CTTNBP2NL: variants seen among roughly 807,000 people sequenced by gnomAD.
CTTNBP2NL encodes CTTNBP2 N-terminal-like protein.
A neutral mutation model predicts 32.5 loss-of-function variants in CTTNBP2NL; 16 were observed. That is an observed-to-expected ratio of 0.49 (90% confidence interval 0.33 to 0.75). The LOEUF is 0.75. Among genes scored for constraint, CTTNBP2NL ranks in the 30% least tolerant of loss-of-function variants. The pLI, the probability that CTTNBP2NL is intolerant of heterozygous loss-of-function variation, is 0.02. For missense variants in CTTNBP2NL, 645 were observed against 756.0 expected, an observed-to-expected ratio of 0.85 and a Z score of 1.72; for synonymous variants, 298 against 289.4, an observed-to-expected ratio of 1.03 and a Z score of -0.30.
intron 3 of CTTNBP2NL, among the ~76,000 whole-genome samples, chr1:112,446,209 A>AC (rs1306421469): frequency 6.6e-6 from 1 of 151,344 alleles, no homozygotes; most frequent in Non-Finnish European, 1.5e-5. Flanking sequence ...AAAAAAAAAA[A>AC]AAACAACATA....
intron 4 of CTTNBP2NL, among the ~76,000 whole-genome samples, chr1:112,453,749 G>C (rs1202666928): frequency 6.6e-6 from 1 of 152,078 alleles, no homozygotes; most frequent in African/African-American, 2.4e-5. Context: ...GCAAGACCCT[G>C]TCTCGAAAAA....
At chr1:112,427,043 G>A (rs796827011) in intron 3 of CTTNBP2NL, among the ~76,000 whole-genome samples, 4 of 152,064 alleles carry the variant, frequency 2.6e-5, no homozygotes, top group African/African-American at 9.6e-5. Flanking sequence ...TATTTTATTG[G>A]CTTCTTATGA....
chr1:112,416,276 G>GAAA lies in CTTNBP2NL; in HGVS notation c.99+21_99+23dup. On this transcript the variant is annotated intron_variant, in intron 3 of 5. Transcript: ENST00000271277. ...TAGAAGCCTTAAAGGTATGTTAAAAGAAAAAAAAAAAGAGGTCATCATACA... is the reference window on the plus strand; with the variant it reads ...TAGAAGCCTTAAAGGTATGTTAAAAGAAAAAAAAAAAAAAGAGGTCATCATACA... The GAAA allele has an allele frequency of 7.9e-6, 8 of 1,009,522 alleles. No homozygotes were observed. Among genetic ancestry groups the GAAA allele is most frequent in the East Asian group, 3.2e-5 (1 of 31,014 alleles). 62.5% of individuals were successfully genotyped at this position (1,009,522 alleles called of 1,614,324 possible).
chr1:112,429,009 C>T (rs544664146), intron 3 of CTTNBP2NL, among the ~76,000 whole-genome samples: 1 of 152,144 alleles, frequency 6.6e-6, no homozygotes, highest in East Asian at 1.9e-4. Context: ...TTTTGCTAAG[C>T]TATGGAATCA....
chr1:112,433,135 G>A (rs1327448979), intron 3 of CTTNBP2NL, among the ~76,000 whole-genome samples: 2 of 152,008 alleles, frequency 1.3e-5, no homozygotes, highest in East Asian at 3.9e-4. Flanking sequence ...ATCACATACT[G>A]TTCAAAATCT....
At chr1:112,421,466 A>C (rs1649230631) in intron 3 of CTTNBP2NL, among the ~76,000 whole-genome samples, 1 of 151,068 alleles carries the variant, frequency 6.6e-6, no homozygotes, top group African/African-American at 2.4e-5. Context: ...ACGCCCGGCT[A>C]GTTTTTTTGT....
intron 1 of CTTNBP2NL, among the ~76,000 whole-genome samples, chr1:112,405,464 A>G (rs1648633480): frequency 6.6e-6 from 1 of 151,986 alleles, no homozygotes; most frequent in Non-Finnish European, 1.5e-5. Flanking sequence ...TGCCCGGCTA[A>G]TTTTTGTATT....
chr1:112,414,295 C>T (rs1237869753), intron 2 of CTTNBP2NL, among the ~76,000 whole-genome samples: 2 of 152,054 alleles, frequency 1.3e-5, no homozygotes, highest in Admixed American at 6.6e-5. Context: ...ACCTGGGAGA[C>T]GGTGGTTGCA....
Position 112,458,341 on chromosome 1 carries a change from C to A in CTTNBP2NL, c.*929C>A, listed in dbSNP as rs1023798010. 5 of 152,522 alleles carry A rather than the reference C, an allele frequency of 3.3e-5. No homozygotes were observed. In the East Asian group the frequency reaches 9.6e-4, roughly 29 times the overall value. 9.4% of individuals were successfully genotyped at this position (152,522 alleles called of 1,614,324 possible). ...ATATTATAGGTCAGTCAGAATTATA[C>A]AAGTTTTACCAAATTGTTACACTTA... On this transcript the variant is annotated 3_prime_UTR_variant, in exon 6 of 6. Transcript: ENST00000271277.
At chr1:112,448,149 C>T (rs1650110402) in intron 3 of CTTNBP2NL, among the ~76,000 whole-genome samples, 2 of 152,188 alleles carry the variant, frequency 1.3e-5, no homozygotes, top group African/African-American at 4.8e-5. Flanking sequence ...TTCTTACATG[C>T]TCATCCCCAA....
intron 1 of CTTNBP2NL, among the ~76,000 whole-genome samples, chr1:112,408,220 A>ATTTTTTTTTTTTTTTTTTTTTTTTATTT (rs397981257): frequency 9.6e-6 from 1 of 103,760 alleles, no homozygotes; most frequent in African/African-American, 4.3e-5. Context: ...TTTTTTTTTA[A>ATTTTTTTTTTTTTTTTTTTTTTTTATTT]TTTTTTTTTT....
intron 3 of CTTNBP2NL, among the ~76,000 whole-genome samples, chr1:112,428,029 C>A (rs1483748663): frequency 6.6e-6 from 1 of 151,820 alleles, no homozygotes; most frequent in African/African-American, 2.4e-5. Context: ...AGTAGTGTTC[C>A]TAGGACAAAA....
chr1:112,421,553 G>A (rs1235805788), intron 3 of CTTNBP2NL, among the ~76,000 whole-genome samples: 2 of 148,470 alleles, frequency 1.3e-5, no homozygotes, highest in Admixed American at 6.7e-5. Context: ...CACCTGCCTC[G>A]GCCTCCCAAA....
At chr1:112,412,095 C>T (rs1648888445) in intron 1 of CTTNBP2NL, 99 bp from the exon 2 acceptor site, 1 of 152,196 alleles carries the variant, frequency 6.6e-6, no homozygotes, top group Non-Finnish European at 1.5e-5. Flanking sequence ...CAACCTGCAG[C>T]TGTCAGACCT....
chr1:112,425,568 A>G (rs1649369124), intron 3 of CTTNBP2NL, among the ~76,000 whole-genome samples: 1 of 152,156 alleles, frequency 6.6e-6, no homozygotes, highest in Non-Finnish European at 1.5e-5. Context: ...AGCTTTTAAA[A>G]TAAATTTCAT....
intron 1 of CTTNBP2NL, among the ~76,000 whole-genome samples, chr1:112,409,127 C>CA (rs36002206): frequency 0.024 from 1,898 of 79,794 alleles, 72 homozygotes; most frequent in African/African-American, 0.073. Context: ...GACTCTGTCT[C>CA]AAAAAAAAAA....
At chr1:112,424,522 A>G (rs1415926323) in intron 3 of CTTNBP2NL, among the ~76,000 whole-genome samples, 1 of 152,168 alleles carries the variant, frequency 6.6e-6, no homozygotes, top group East Asian at 1.9e-4. Context: ...GCATTTCCAT[A>G]TGAATAGAAT....
At chr1:112,409,766 C>G (rs1375195046) in intron 1 of CTTNBP2NL, among the ~76,000 whole-genome samples, 1 of 152,146 alleles carries the variant, frequency 6.6e-6, no homozygotes, top group Admixed American at 6.5e-5. Flanking sequence ...GAAACTGGGA[C>G]TTCTTCAAGA....
Position 112,456,920 on chromosome 1 carries a change from C to G in CTTNBP2NL, c.1428C>G (p.Ala476=). The change falls in exon 6 of 6, where the codon GCC becomes GCG. Residue 476 remains alanine (A), a synonymous_variant. Transcript: ENST00000271277. ...CCCAAGCAGATCAGGACCAACAAGC[C>G]AGTGGCCTACAGAGCCCTCCATCCA... The part of the protein sequence containing the change: ...FQSQADQDQQ[A]SGLQSPPSRD... 1 of 1,614,122 alleles carries G rather than the reference C, an allele frequency of 6.2e-7. No homozygotes were observed. The highest frequency in any genetic ancestry group is 8.5e-7 in the Non-Finnish European group (1 of 1,180,036).
Sources: allele counts gnomAD v4.1 joint callset (sites outside exome capture counted in the v4.1 genomes callset), GRCh38; gene constraint gnomAD v4.1.1; transcripts MANE v1.5; gene names NCBI Gene and HGNC (gene_info 2026-07-23, HGNC 2026-07-21).